The following SFXN2 variants were observed in gnomAD, a reference collection of about 807,000 sequenced individuals.
SFXN2 encodes sideroflexin-2.
SFXN2 carries 37 observed loss-of-function variants against 41.9 expected under a neutral mutation model. The ratio of observed to expected loss-of-function variants is 0.88; its 90% CI spans 0.68 to 1.16. SFXN2 has a LOEUF of 1.16. SFXN2 is among the 50% of genes most tolerant of loss of function. SFXN2 has a pLI of 0.00. For missense variants in SFXN2, 386 were observed against 425.2 expected (o/e 0.91, Z 0.81); for synonymous variants, 150 against 156.7 (o/e 0.96, Z 0.32).
rs1842790923 is a variant in SFXN2 at position 102,741,943 on chromosome 10, A to G, written c.*4181A>G. On this transcript the variant is annotated 3_prime_UTR_variant, in exon 12 of 12. Coordinates refer to ENST00000369893, the MANE Select transcript of SFXN2 (RefSeq NM_178858.6). ...GGAAAAGCAGGATCAAGATAAAGGC[A>G]GAACTATGGACTTTCTTAAGCTGAG... 1 of 152,240 alleles carries G rather than the reference A, an allele frequency of 6.6e-6. No individual in the cohort carries two copies. Among genetic ancestry groups the G allele is most frequent in the Non-Finnish European group, 1.5e-5 (1 of 68,046 alleles). The allele number at this position is 152,240 out of a possible 1,614,324, so 9.4% of individuals were successfully genotyped here.
At chr10:102,714,776 G>T (rs1306301809) in intron 1 of SFXN2, 95 bp downstream of exon 1, 1 of 156,552 alleles carries the variant, frequency 6.4e-6, no homozygotes, top group Non-Finnish European at 1.4e-5. Context: ...TGCCCAGGCG[G>T]GGCTGCAGCG....
At chr10:102,731,145 T>C (rs569564605) in intron 6 of SFXN2, among the ~76,000 whole-genome samples, 1 of 150,258 alleles carries the variant, frequency 6.7e-6, no homozygotes, top group Admixed American at 6.6e-5. Flanking sequence ...CGCATGCCTG[T>C]AATTCTAGCT....
At chr10:102,716,678 C>T (rs2064421089) in intron 1 of SFXN2, 1 of 149,790 alleles carries the variant, frequency 6.7e-6, no homozygotes, top group Admixed American at 6.7e-5. Context: ...AAACGATTCT[C>T]CTGCCTTAGC....
intron 6 of SFXN2, among the ~76,000 whole-genome samples, chr10:102,731,123 C>T (rs565762813): frequency 5.9e-5 from 9 of 151,358 alleles, no homozygotes; most frequent in East Asian, 1.9e-4. Context: ...AAAAATTAGC[C>T]GGGCATGGTG....
intron 10 of SFXN2, 107 bp from the exon 11 acceptor site, chr10:102,735,755 G>A: frequency 8.9e-7 from 1 of 1,118,712 alleles, no homozygotes; most frequent in Non-Finnish European, 1.4e-6. Context: ...GTGCCAGCTG[G>A]GAAGGCAGGC....
intron 11 of SFXN2, among the ~76,000 whole-genome samples, chr10:102,736,491 G>A (rs1479152756): frequency 3.4e-5 from 5 of 147,628 alleles, no homozygotes; most frequent in East Asian, 2.0e-4. Flanking sequence ...GTGCAGTCTC[G>A]GCTCACTGCA....
intron 9 of SFXN2, 110 bp downstream of exon 9, chr10:102,733,018 A>G: frequency 9.0e-7 from 1 of 1,109,848 alleles, no homozygotes; most frequent in Middle Eastern, 2.0e-4. Flanking sequence ...TTTAGCTACC[A>G]TGCTGTCATC....
Position 102,726,698 on chromosome 10 carries a change from T to G in SFXN2, c.62T>G (p.Leu21Arg). The G allele has an allele frequency of 6.2e-7, 1 of 1,614,188 alleles. No homozygotes were observed. The highest frequency in any genetic ancestry group is 8.5e-7 in the Non-Finnish European group (1 of 1,180,036). The change falls in exon 2 of 12, where the codon CTG becomes CGG. Residue 21 changes from leucine to arginine, a missense_variant. Physicochemically the swap from Leu to Arg is moderately radical, Grantham distance 102. Transcript: ENST00000369893. Reference sequence around the variant, plus strand: ...CCCCGTTGGGACCAGCGCACCTTCCTGGGGAGAGTGAAGCACTTCCTAAAC... The same window carrying G: ...CCCCGTTGGGACCAGCGCACCTTCCGGGGGAGAGTGAAGCACTTCCTAAAC... ...DAPRWDQRTF[L>R]GRVKHFLNIT...
chr10:102,732,642 A>G (rs1376022831), intron 8 of SFXN2, among the ~76,000 whole-genome samples: 1 of 152,202 alleles, frequency 6.6e-6, no homozygotes, highest in East Asian at 1.9e-4. Flanking sequence ...GCAAGTGTGC[A>G]GGTTGAGAAG....
intron 10 of SFXN2, among the ~76,000 whole-genome samples, chr10:102,735,085 A>C (rs1258128207): frequency 1.4e-5 from 2 of 140,268 alleles, no homozygotes; most frequent in Non-Finnish European, 3.1e-5. Flanking sequence ...CCCCACTCCA[A>C]AGTGCCCCTC....
intron 8 of SFXN2, 113 bp downstream of exon 8, chr10:102,732,331 T>A: frequency 1.2e-6 from 1 of 837,438 alleles, no homozygotes; most frequent in Non-Finnish European, 1.9e-6. Context: ...GCCATGCTTC[T>A]CAAACTGCTT....
chr10:102,730,873 G>A (rs1436115016), intron 6 of SFXN2, among the ~76,000 whole-genome samples: 3 of 152,202 alleles, frequency 2.0e-5, no homozygotes, highest in African/African-American at 7.2e-5. Context: ...GGATCACGAG[G>A]TCAGGAGATC....
At chr10:102,720,133 A>C (rs944878570) in intron 1 of SFXN2, among the ~76,000 whole-genome samples, 1 of 152,034 alleles carries the variant, frequency 6.6e-6, no homozygotes, top group African/African-American at 2.4e-5. Context: ...TCTACTAAAA[A>C]TACAAACAAT....
At chr10:102,732,716 C>G in intron 8 of SFXN2, 143 bp from the exon 9 acceptor site, 1 of 769,736 alleles carries the variant, frequency 1.3e-6, no homozygotes, top group Non-Finnish European at 2.2e-6. Context: ...TGCCTACTTG[C>G]TCTTCTGTTC....
chr10:102,733,519 C>T (rs2064732791), intron 9 of SFXN2, 35 bp from the exon 10 acceptor site: 1 of 1,575,892 alleles, frequency 6.3e-7, no homozygotes, highest in South Asian at 1.1e-5. Context: ...CATAGAAGTA[C>T]CATGTGGATC....
rs537484799 is a variant in SFXN2, at chr10:102,739,257, A to G, written c.*1495A>G. 3.3e-5 allele frequency: 5 copies of G among 152,370 alleles called. No homozygotes were observed. The highest frequency in any genetic ancestry group is 1.2e-4 in the African/African-American group (5 of 41,586). The allele number at this position is 152,370 out of a possible 1,614,324, so 9.4% of individuals were successfully genotyped here. On this transcript the variant is annotated 3_prime_UTR_variant, in exon 12 of 12. Transcript: ENST00000369893. ...GATCTGGCCTTACTTTGGCCTTGGC[A>G]TGTCAGAAGGTATCACAACTACTAT...
chr10:102,725,316 GGA>G (rs2064575947), intron 1 of SFXN2, among the ~76,000 whole-genome samples: 2 of 152,154 alleles, frequency 1.3e-5, no homozygotes, highest in Non-Finnish European at 2.9e-5. Context: ...AGGTGAGGCA[GGA>G]AGGCAAGAGG....
intron 6 of SFXN2, 74 bp from the exon 7 acceptor site, chr10:102,731,649 C>A: frequency 7.3e-7 from 1 of 1,364,272 alleles, no homozygotes; most frequent in South Asian, 1.2e-5. Context: ...TGGCCTTGGT[C>A]CCCTGGCATG....
intron 1 of SFXN2, chr10:102,715,384 C>G (rs1393458208): frequency 2.0e-5 from 3 of 152,222 alleles, no homozygotes; most frequent in Admixed American, 6.5e-5. Context: ...TGGACAGGAC[C>G]GCGTACCATC....
Sources: allele counts gnomAD v4.1 joint callset (sites outside exome capture counted in the v4.1 genomes callset), GRCh38; gene constraint gnomAD v4.1.1; transcripts MANE v1.5; gene names NCBI Gene and HGNC (gene_info 2026-07-23, HGNC 2026-07-21).